The following SACS variants were observed in gnomAD, a reference collection of about 807,000 sequenced individuals.
SACS encodes the protein sacsin molecular chaperone, also known as sacsin.
Under a neutral mutation model 348.0 loss-of-function variants are expected in SACS, and 197 were observed. That is an observed-to-expected ratio of 0.57 (90% CI 0.50 to 0.64). SACS has a LOEUF of 0.64. Ranked by LOEUF, SACS falls within the 30% of genes least tolerant of loss-of-function variation. The pLI is 0.00. For missense variants in SACS, 4,999 were observed against 5,360.8 expected, an observed-to-expected ratio of 0.93 and a Z score of 2.11; for synonymous variants, 1,985 against 1,910.6, an observed-to-expected ratio of 1.04 and a Z score of -1.02.
chr13:23,335,057 G>A lies in SACS; in HGVS notation c.8819C>T (p.Thr2940Ile), dbSNP rs1326604025. 26 of 1,613,242 alleles carry A rather than the reference G, an allele frequency of 1.6e-5. No individual in the cohort carries two copies. The highest frequency in any genetic ancestry group is 2.0e-5 in the Non-Finnish European group (23 of 1,179,380). Reference sequence around the variant, plus strand: ...AGGGGTGTTCTGTAACACTGATAATGTTGGATCAGAACCAGGGAAATACCG... The same window carrying A: ...AGGGGTGTTCTGTAACACTGATAATATTGGATCAGAACCAGGGAAATACCG... Reference protein sequence around the residue: ...KKRYFPGSDPTLSVLQNTPIH... With the variant: ...KKRYFPGSDPILSVLQNTPIH... Residue 2940 changes from threonine (T) to isoleucine (I), a missense_variant, in exon 10 of 10, where the codon ACA (threonine) becomes ATA (isoleucine). Transcript: ENST00000382292. The surrounding 1 kb of genome is among the most constrained non-coding windows in gnomAD (Gnocchi z 4.7).
At chr13:23,360,723 A>G (rs540863289) in intron 6 of SACS, among the ~76,000 whole-genome samples, 1 of 151,314 alleles carries the variant, frequency 6.6e-6, no homozygotes, top group Non-Finnish European at 1.5e-5. Context: ...ATGAAAATAA[A>G]ATTCCCCTCA....
chr13:23,345,296 G>A (rs1869525552), intron 9 of SACS, among the ~76,000 whole-genome samples: 1 of 152,060 alleles, frequency 6.6e-6, no homozygotes, highest in Non-Finnish European at 1.5e-5. Flanking sequence ...AGAGAGAATA[G>A]AAAAAAAGAA....
chr13:23,340,600 T>C lies in SACS; in HGVS notation c.3276A>G (p.Leu1092=). The change falls in exon 10 of 10, where the codon TTA becomes TTG. Residue 1092 remains leucine, a synonymous_variant. Transcript: ENST00000382292. ...TTTCTTTGAGACTGGCTTCGTTTTT[T>C]AAACCAATCTGTCTTAAGGAGTGAA... The part of the protein sequence containing the change: ...DILHSLRQIG[L]KNEASLKEKD... The C allele has an allele frequency of 6.2e-7, 1 of 1,613,254 alleles. No individual in the cohort carries two copies. The highest frequency in any genetic ancestry group is 1.3e-5 in the African/African-American group (1 of 74,952).
intron 9 of SACS, among the ~76,000 whole-genome samples, chr13:23,347,291 AAG>A (rs72144778): frequency 0.036 from 5,460 of 152,230 alleles, 312 homozygotes; most frequent in African/African-American, 0.12. Flanking sequence ...AATAAAGAAA[AAG>A]AGATTTTATC....
Position 23,336,463 on chromosome 13 carries a change from G to C in SACS, c.7413C>G (p.Cys2471Trp). The C allele has an allele frequency of 6.2e-7, 1 of 1,613,932 alleles. No homozygotes were observed. Among genetic ancestry groups the C allele is most frequent in the Non-Finnish European group, 8.5e-7 (1 of 1,179,896 alleles). Residue 2471 changes from cysteine to tryptophan, a missense_variant, in exon 10 of 10, where the codon TGC becomes TGG. Transcript: ENST00000382292. Reference sequence around the variant, plus strand: ...TGGTATCCTTTACTTTTATCCAAGGGCAATCATTGTAGCATAACGATTTAG... The same window carrying C: ...TGGTATCCTTTACTTTTATCCAAGGCCAATCATTGTAGCATAACGATTTAG... ...LPAKSLCYNDCPWIKVKDTTV... is the reference protein window; with the variant it reads ...LPAKSLCYNDWPWIKVKDTTV...
At chr13:23,408,349 C>G (rs186461566) in intron 2 of SACS, among the ~76,000 whole-genome samples, 1 of 152,278 alleles carries the variant, frequency 6.6e-6, no homozygotes, top group African/African-American at 2.4e-5. Context: ...TTCTGAGGCT[C>G]CAACATCTTC....
chr13:23,380,453 C>G (rs1266916400), intron 2 of SACS, among the ~76,000 whole-genome samples: 1 of 152,066 alleles, frequency 6.6e-6, no homozygotes, highest in African/African-American at 2.4e-5. Context: ...GCAACTGTCT[C>G]TGAAATAATA....
At chr13:23,358,899 CA>C (rs1366887190) in intron 6 of SACS, among the ~76,000 whole-genome samples, 1 of 152,038 alleles carries the variant, frequency 6.6e-6, no homozygotes. Flanking sequence ...GGGCTGGGCG[CA>C]GTGGCTCATG....
chr13:23,334,609 AG>A lies in SACS; in HGVS notation c.9266del (p.Pro3089LeufsTer5). On this transcript the variant is annotated frameshift_variant, in exon 10 of 10. Coordinates refer to ENST00000382292, the MANE Select transcript of SACS (RefSeq NM_014363.6). LOFTEE classifies it high-confidence loss of function. ...TATCAGCAGGGGTCACATAACTAAC[AG>A]GAATATCTGCATCTATAAGACAGTG... ...LYHCLIDADIPVSYVTPADIR... is the reference protein window; with the variant it reads ...LYHCLIDADIXVSYVTPADIR... The A allele has an allele frequency of 2.5e-6, 4 of 1,613,560 alleles. No homozygotes were observed. The highest frequency in any genetic ancestry group is 3.4e-6 in the Non-Finnish European group (4 of 1,179,770).
At chr13:23,372,743 T>C (rs1871474954) in intron 3 of SACS, among the ~76,000 whole-genome samples, 1 of 152,170 alleles carries the variant, frequency 6.6e-6, no homozygotes, top group African/African-American at 2.4e-5. Flanking sequence ...TCTCTGATGA[T>C]TACGTCTTTA....
In SACS at chr13:23,355,822, C is replaced by A. The variant is rs766702575; in HGVS notation, c.790G>T (p.Gly264Cys). 2 of 1,614,120 alleles carry A rather than the reference C, an allele frequency of 1.2e-6. No homozygotes were observed. The highest frequency in any genetic ancestry group is 1.7e-6 in the Non-Finnish European group (2 of 1,180,032). ...CGGAAAAATGTTCCTGGAAAATTGCCGTTTATAAATGTTTCCTTGGTGCTT... is the reference window on the plus strand; with the variant it reads ...CGGAAAAATGTTCCTGGAAAATTGCAGTTTATAAATGTTTCCTTGGTGCTT... The part of the protein sequence containing the change: ...FGSTKETFIN[G>C]NFPGTFFRFP... The change falls in exon 8 of 10, where the codon GGC (glycine) becomes TGC (cysteine). Residue 264 changes from glycine to cysteine, a missense_variant. Around this residue, in one of 6 missense-constraint regions of SACS, gnomAD observed 3,156 missense variants for 3,380.1 expected, o/e 0.93. Transcript: ENST00000382292.
intron 1 of SACS, among the ~76,000 whole-genome samples, chr13:23,421,957 G>A (rs1017915669): frequency 4.0e-5 from 6 of 151,396 alleles, no homozygotes; most frequent in South Asian, 4.2e-4. Flanking sequence ...GACATGCACC[G>A]AGATGCCTGA....
At chr13:23,368,153 G>A (rs981932264) in intron 5 of SACS, among the ~76,000 whole-genome samples, 3 of 152,120 alleles carry the variant, frequency 2.0e-5, no homozygotes, top group Non-Finnish European at 2.9e-5. Flanking sequence ...TTCCCGGAGC[G>A]ACACTGCTGA....
rs1222463507 is a variant in SACS at position 23,329,500 on chromosome 13, G to C, written c.*636C>G. On this transcript the variant is annotated 3_prime_UTR_variant, in exon 10 of 10. Transcript: ENST00000382292. ...AACAGGAAGCCTGTAAACATAAGAT[G>C]TTAAAAAAAAATTTAAATAAAGATG... 1 of 738,786 alleles carries C rather than the reference G, an allele frequency of 1.4e-6. No homozygotes were observed. Among genetic ancestry groups the C allele is most frequent in the African/African-American group, 1.8e-5 (1 of 56,612 alleles). 45.8% of individuals were successfully genotyped at this position (738,786 alleles called of 1,614,324 possible). A position where few individuals can be genotyped will look rare whatever the true frequency, so the allele number is the denominator to read the frequency against.
chr13:23,355,354 T>C lies in SACS; in HGVS notation c.1258A>G (p.Ile420Val). ...CTTGATAAAGGCATGGCTATTCCAA[T>C]GATTGGGACAAATTTCAGTTCATCA... is the stretch of plus-strand genomic sequence containing the variant. ...LADELKFVPIIGIAMPLSSRD... is the reference protein window; with the variant it reads ...LADELKFVPIVGIAMPLSSRD... Residue 420 changes from isoleucine to valine, a missense_variant, in exon 8 of 10, where the codon ATT (isoleucine) becomes GTT (valine). Physicochemically the swap from Ile to Val is conservative, Grantham distance 29. Coordinates refer to ENST00000382292, the MANE Select transcript of SACS (RefSeq NM_014363.6). 7 of 1,614,156 alleles carry C rather than the reference T, an allele frequency of 4.3e-6. No homozygotes were observed. Among genetic ancestry groups the C allele is most frequent in the Non-Finnish European group, 5.9e-6 (7 of 1,180,042 alleles).
Position 23,375,217 on chromosome 13 carries a change from C to G in SACS, c.73G>C (p.Ala25Pro). The G allele has an allele frequency of 6.7e-7, 1 of 1,499,682 alleles. No individual in the cohort carries two copies. The highest frequency in any genetic ancestry group is 2.2e-5 in the Admixed American group (1 of 44,462). The allele number at this position is 1,499,682 out of a possible 1,614,324, so 92.9% of individuals were successfully genotyped here. A position where few individuals can be genotyped will look rare whatever the true frequency, so the allele number is the denominator to read the frequency against. The change falls in exon 3 of 10, where the codon GCG becomes CCG. Residue 25 changes from alanine to proline, a missense_variant. Physicochemically the swap from Ala to Pro is conservative, Grantham distance 27 (BLOSUM62 -1). This residue lies in a region of SACS where 3,156 missense variants were observed against 3,380.1 expected (regional missense o/e 0.93). Coordinates refer to ENST00000382292, the MANE Select transcript of SACS (RefSeq NM_014363.6). ...PGCVGCRTVA[A>P]LASWTVRDVK... ...TCGCGCACGGTCCAGGACGCCAGCGCCGCGACGGTCCTGCAGCCCACGCAG... is the reference window on the plus strand; with the variant it reads ...TCGCGCACGGTCCAGGACGCCAGCGGCGCGACGGTCCTGCAGCCCACGCAG...
intron 2 of SACS, among the ~76,000 whole-genome samples, chr13:23,406,108 A>C (rs919312757): frequency 6.6e-6 from 1 of 152,246 alleles, no homozygotes; most frequent in Non-Finnish European, 1.5e-5. Flanking sequence ...TCTGTTCACA[A>C]TAGCAAAGAT....
chr13:23,394,578 G>A (rs76880152), intron 2 of SACS, among the ~76,000 whole-genome samples: 26,746 of 152,256 alleles, frequency 0.18, 2,477 homozygotes, highest in South Asian at 0.33. Flanking sequence ...TTAGGGCTGG[G>A]CGCAGTGGCT....
At chr13:23,415,506 T>C (rs1873659782) in intron 1 of SACS, among the ~76,000 whole-genome samples, 1 of 152,258 alleles carries the variant, frequency 6.6e-6, no homozygotes, top group African/African-American at 2.4e-5. Flanking sequence ...TGAATCATTA[T>C]GTATGCTGTG....
Sources: gnomAD v4.1 joint callset for allele counts (sites outside exome capture counted in the v4.1 genomes callset) on GRCh38, gnomAD v4.1.1 for gene constraint, gnomAD v4.1.1 regional missense constraint, Gnocchi (gnomAD v3.1) non-coding constraint, MANE v1.5 for transcripts, NCBI Gene and HGNC (gene_info 2026-07-23, HGNC 2026-07-21) for gene names.